The following GGA1 variants were observed in gnomAD, a reference collection of about 807,000 sequenced individuals.
The protein encoded by GGA1 is ADP-ribosylation factor-binding protein GGA1.
In GGA1, 18 loss-of-function variants were observed where a neutral mutation model predicts 76.9. The observed-to-expected ratio is 0.23, with a 90% CI of 0.16 to 0.35. The LOEUF (loss-of-function observed/expected upper bound fraction) is 0.35, where lower values mean the gene tolerates loss of function less well. Among genes scored for constraint, GGA1 ranks in the 10% least tolerant of loss-of-function variants. The probability of loss-of-function intolerance (pLI) is 1.00; values close to 1 mark genes in which losing one functional copy is unlikely to be tolerated. For synonymous variants in GGA1, 342 were observed against 354.7 expected (o/e 0.96, Z 0.40); for missense variants, 755 against 859.0 (o/e 0.88, Z 1.51).
chr22:37,611,806 A>G (rs1352679971), intron 1 of GGA1, among the ~76,000 whole-genome samples: 4 of 152,222 alleles, frequency 2.6e-5, no homozygotes, highest in Non-Finnish European at 5.9e-5. Context: ...ATGAAGATCG[A>G]GCTCTGGCTG....
At chr22:37,630,258 C>G in intron 13 of GGA1, 88 bp downstream of exon 13, 2 of 954,736 alleles carry the variant, frequency 2.1e-6, no homozygotes, top group Non-Finnish European at 3.1e-6. Context: ...CCAGGCCCAG[C>G]AGGGAGAGGC....
chr22:37,621,871 C>G (rs1192580081), intron 7 of GGA1, among the ~76,000 whole-genome samples, 175 bp downstream of exon 7: 1 of 152,002 alleles, frequency 6.6e-6, no homozygotes, highest in Non-Finnish European at 1.5e-5. Context: ...TCCCGGCAGC[C>G]TGGGTGACTT....
chr22:37,611,112 C>T (rs1476151426), intron 1 of GGA1, among the ~76,000 whole-genome samples: 1 of 152,168 alleles, frequency 6.6e-6, no homozygotes, highest in Non-Finnish European at 1.5e-5. Context: ...ACTGATGTTC[C>T]CCAGCCTTTG....
chr22:37,617,003 A>G lies in GGA1; in HGVS notation c.204+6A>G. On this transcript the variant is annotated splice_donor_region_variant and intron_variant, in intron 3 of 16. Transcript: ENST00000343632. ...AGGCGATCCAGGCCTTGACGGTGAG[A>G]AGGGGAGAGGCCACCATCCGTCCCC... 6.2e-7 allele frequency: 1 copy of G among 1,600,338 alleles called. No individual in the cohort carries two copies. Among genetic ancestry groups the G allele is most frequent in the South Asian group, 1.1e-5 (1 of 88,662 alleles).
At chr22:37,618,139 A>T in intron 3 of GGA1, 5 of 238,364 alleles carry the variant, frequency 2.1e-5, no homozygotes, top group Non-Finnish European at 3.2e-5. Flanking sequence ...AAAAAAAAAA[A>T]GGAAAAATAG....
At chr22:37,613,820 C>G (rs948010030) in intron 1 of GGA1, 1 of 196,360 alleles carries the variant, frequency 5.1e-6, no homozygotes, top group Non-Finnish European at 1.1e-5. Flanking sequence ...ATTTTTTTCT[C>G]CCTTACTTCT....
intron 3 of GGA1, chr22:37,618,170 G>C (rs1227974179): frequency 2.8e-6 from 1 of 352,812 alleles, no homozygotes; most frequent in African/African-American, 2.1e-5. Flanking sequence ...ATGTACAGTT[G>C]GTACTCAGAT....
chr22:37,612,951 A>G, intron 1 of GGA1: 1 of 985,128 alleles, frequency 1.0e-6, no homozygotes, highest in Non-Finnish European at 1.2e-6. Context: ...GCCACTATCC[A>G]TTTCTGGATT....
chr22:37,619,020 A>G (rs969566803), intron 4 of GGA1, among the ~76,000 whole-genome samples: 33 of 152,162 alleles, frequency 2.2e-4, no homozygotes, highest in African/African-American at 7.2e-4. Flanking sequence ...CAGACGGGCC[A>G]TCCCCGGCTC....
intron 3 of GGA1, chr22:37,617,392 T>C (rs1929013313): frequency 1.8e-6 from 2 of 1,089,534 alleles, no homozygotes; most frequent in South Asian, 2.6e-5. Flanking sequence ...GGGGTGGTGC[T>C]TGGGCTCAGG....
At position 37,632,091 on chromosome 22, in the gene GGA1, G is replaced by A. The variant is rs1931910561; in HGVS notation, c.1624G>A (p.Val542Met). 1.2e-6 allele frequency: 2 copies of A among 1,613,292 alleles called. No individual in the cohort carries two copies. Among genetic ancestry groups the A allele is most frequent in the Non-Finnish European group, 8.5e-7 (1 of 1,179,620 alleles). Residue 542 changes from valine (V) to methionine (M), a missense_variant, in exon 15 of 17, where the codon GTG becomes ATG. By Grantham distance (21) the Val-to-Met change is conservative. Coordinates refer to ENST00000343632, the MANE Select transcript of GGA1 (RefSeq NM_013365.5). This position sits in a 1 kb window ranked among gnomAD's most constrained non-coding sequence, Gnocchi z 5.1. The part of the protein sequence containing the change: ...DPLPGRSDVL[V>M]VVVSMLSTAP... The stretch of plus-strand genomic sequence containing the variant: ...ACTGCCAGGGCGCTCCGACGTGCTG[G>A]TGGTGGTGGTTTCCATGCTGAGCAC...
rs45440996 is a variant in GGA1, at chr22:37,630,102, C to T, written c.1263C>T (p.Asp421=). The change falls in exon 13 of 17, where the codon GAC becomes GAT. Residue 421 remains aspartate (D), a synonymous_variant. Transcript: ENST00000343632. ...QTSLPASSGL[D]DLDLLGKTLL... is the part of the protein sequence containing the mutation. ...CCCTGCCAGCAAGCAGCGGTCTGGA[C>T]GACCTAGACCTCCTGGGGAAGACCC... 4,139 of 1,609,556 alleles carry T rather than the reference C, an allele frequency of 2.6e-3. 12 individuals carry two copies. Among genetic ancestry groups the T allele is most frequent in the Middle Eastern group, 3.3e-3 (20 of 6,044 alleles).
At chr22:37,609,104 CG>C (rs1926953726) in intron 1 of GGA1, 3 of 1,485,568 alleles carry the variant, frequency 2.0e-6, no homozygotes, top group Non-Finnish European at 2.7e-6. Flanking sequence ...GCGGTGGGAG[CG>C]GGCGCCGCCC....
chr22:37,630,212 C>T, intron 13 of GGA1, 42 bp downstream of exon 13: 1 of 1,427,766 alleles, frequency 7.0e-7, no homozygotes, highest in Non-Finnish European at 9.5e-7. Context: ...GGAGCACTCC[C>T]TGTTCCCACA....
intron 11 of GGA1, among the ~76,000 whole-genome samples, chr22:37,627,667 G>C (rs1335609172): frequency 6.6e-6 from 1 of 152,230 alleles, no homozygotes; most frequent in Admixed American, 6.5e-5. Context: ...CAAGAGAAGC[G>C]AGATGCAGCC....
Position 37,623,499 on chromosome 22 carries a change from T to TGCCCACTCCACA in GGA1, c.750+39_751-35dup. The TGCCCACTCCACA allele has an allele frequency of 6.2e-7, 1 of 1,613,298 alleles. No individual in the cohort carries two copies. Among genetic ancestry groups the TGCCCACTCCACA allele is most frequent in the Non-Finnish European group, 8.5e-7 (1 of 1,179,498 alleles). ...CTGCCTCCCTGCCTACCCCACTCCC[T>TGCCCACTCCACA]GCCCACTCCACAGCCCACGCGGACC... On this transcript the variant is annotated intron_variant, in intron 8 of 16. Transcript: ENST00000343632. The surrounding 1 kb of genome is among the most constrained non-coding windows in gnomAD (Gnocchi z 4.6).
chr22:37,617,728 G>A, intron 3 of GGA1: 1 of 804,316 alleles, frequency 1.2e-6, no homozygotes, highest in African/African-American at 1.9e-5. Flanking sequence ...TTACATATTT[G>A]TTTTAACATT....
Position 37,614,255 on chromosome 22 carries a change from C to T in GGA1, c.109C>T (p.Leu37Phe). ...CAGCATCAACGGCTTCTGCGAGCAG[C>T]TCAACGAGGACTTTGAGGGGTAGGT... ...WASINGFCEQ[L>F]NEDFEGPPLA... Residue 37 changes from leucine (L) to phenylalanine (F), a missense_variant, in exon 2 of 17, where the codon CTC becomes TTC. Leu to Phe is a conservative substitution (Grantham distance 22). Coordinates refer to ENST00000343632, the MANE Select transcript of GGA1 (RefSeq NM_013365.5). The T allele has an allele frequency of 6.2e-7, 1 of 1,613,394 alleles. No individual in the cohort carries two copies. Among genetic ancestry groups the T allele is most frequent in the Non-Finnish European group, 8.5e-7 (1 of 1,179,418 alleles).
chr22:37,632,673 G>A lies in GGA1; in HGVS notation c.1882G>A (p.Asp628Asn). Residue 628 changes from aspartate (D) to asparagine (N), a missense_variant, in exon 17 of 17, where the codon GAC becomes AAC. Transcript: ENST00000343632. This position sits in a 1 kb window ranked among gnomAD's most constrained non-coding sequence, Gnocchi z 5.1. Reference protein sequence around the residue: ...DQTYNEMGDVDQFPPPETWGS... With the variant: ...DQTYNEMGDVNQFPPPETWGS... ...GACCTACAACGAGATGGGGGATGTG[G>A]ACCAGTTCCCCCCACCTGAAACCTG... 1 of 1,612,518 alleles carries A rather than the reference G, an allele frequency of 6.2e-7. No individual in the cohort carries two copies. Among genetic ancestry groups the A allele is most frequent in the South Asian group, 1.1e-5 (1 of 90,952 alleles).
Sources: gnomAD v4.1 joint callset for allele counts (sites outside exome capture counted in the v4.1 genomes callset) on GRCh38, gnomAD v4.1.1 for gene constraint, Gnocchi (gnomAD v3.1) non-coding constraint, MANE v1.5 for transcripts, NCBI Gene and HGNC (gene_info 2026-07-23, HGNC 2026-07-21) for gene names.